JARID2: variants seen among roughly 807,000 people sequenced by gnomAD.
The protein encoded by JARID2 is protein Jumonji.
A neutral mutation model predicts 125.6 loss-of-function variants in JARID2; 21 were observed. The observed-to-expected ratio is 0.17, with a 90% CI of 0.12 to 0.24. The LOEUF (loss-of-function observed/expected upper bound fraction) is 0.24. JARID2 is among the 10% of genes least tolerant of loss of function. The pLI is 1.00. For missense variants in JARID2, 1,303 were observed against 1,639.6 expected, an observed-to-expected ratio of 0.79 and a Z score of 3.55; for synonymous variants, 736 against 661.6, an observed-to-expected ratio of 1.11 and a Z score of -1.73.
At chr6:15,380,477 C>T (rs1764537964) in intron 2 of JARID2, among the ~76,000 whole-genome samples, 1 of 152,166 alleles carries the variant, frequency 6.6e-6, no homozygotes, top group Non-Finnish European at 1.5e-5. Flanking sequence ...TTGGTTTCCT[C>T]CTCTCTTCAG....
intron 3 of JARID2, among the ~76,000 whole-genome samples, chr6:15,428,925 AAC>A (rs948727621): frequency 2.2e-5 from 3 of 137,234 alleles, no homozygotes; most frequent in African/African-American, 8.4e-5. Context: ...ACAAAAAAAA[AAC>A]AAACCCCCCC....
Position 15,272,101 on chromosome 6 carries a change from G to T in JARID2, c.45+25517G>T, listed in dbSNP as rs1226284126. 4.6e-5 allele frequency among the ~76,000 whole-genome samples: 7 copies of T among 152,162 alleles called. No homozygotes were observed. In the East Asian group the frequency reaches 1.3e-3, roughly 29 times the overall value. On this transcript the variant is annotated intron_variant, in intron 1 of 17. Coordinates refer to ENST00000341776, the MANE Select transcript of JARID2 (RefSeq NM_004973.4). ...GATCGTGCCATTGCACTCCAGCCTG[G>T]GCAACAGAGTTAGACTCTGTCTCAA...
chr6:15,345,120 C>G (rs189324759), intron 1 of JARID2, among the ~76,000 whole-genome samples: 168 of 152,178 alleles, frequency 1.1e-3, no homozygotes, highest in African/African-American at 3.9e-3. Flanking sequence ...TTGTTAGAAG[C>G]TTCTAGTATA....
At chr6:15,303,255 G>C (rs1479790207) in intron 1 of JARID2, among the ~76,000 whole-genome samples, 1 of 152,192 alleles carries the variant, frequency 6.6e-6, no homozygotes, top group East Asian at 1.9e-4. Context: ...AGCGCACCTC[G>C]AACTTGAACA....
chr6:15,376,169 A>G (rs1472377536), intron 2 of JARID2, among the ~76,000 whole-genome samples: 1 of 152,170 alleles, frequency 6.6e-6, no homozygotes, highest in Non-Finnish European at 1.5e-5. Flanking sequence ...TACCTTCATA[A>G]GGGAAGGTTA....
rs538080008 is a variant in JARID2, at chr6:15,394,065, A to G, written c.182-16159A>G. On this transcript the variant is annotated intron_variant, in intron 2 of 17. Transcript: ENST00000341776. ...GTCTTCTACTTCCGAGGAATTTCTC[A>G]TTTTAATCAGTGAGTGCTGAGATCT... is the stretch of plus-strand genomic sequence containing the variant. Among the ~76,000 whole-genome samples the G allele has an allele frequency of 2.0e-5, 3 of 152,282 alleles. No homozygotes were observed. The South Asian group carries it at 6.2e-4, about 32-fold the overall frequency.
intron 16 of JARID2, among the ~76,000 whole-genome samples, chr6:15,516,302 T>C (rs1205381325): frequency 6.6e-6 from 1 of 152,186 alleles, no homozygotes; most frequent in Non-Finnish European, 1.5e-5. Flanking sequence ...TAAGACTGAA[T>C]TTTTCCTTAT....
At chr6:15,488,825 C>T (rs1436478552) in intron 6 of JARID2, among the ~76,000 whole-genome samples, 1 of 152,196 alleles carries the variant, frequency 6.6e-6, no homozygotes, top group African/African-American at 2.4e-5. Flanking sequence ...ATATTAAACA[C>T]TGGCCACTGT....
chr6:15,511,003 T>G (rs1209742400), intron 12 of JARID2, among the ~76,000 whole-genome samples: 1 of 152,168 alleles, frequency 6.6e-6, no homozygotes, highest in African/African-American at 2.4e-5. Context: ...CATCTGTTTG[T>G]GGTTTGAAGG....
intron 2 of JARID2, among the ~76,000 whole-genome samples, chr6:15,397,429 G>A (rs146265974): frequency 1.3e-5 from 2 of 152,150 alleles, no homozygotes; most frequent in East Asian, 3.9e-4. Flanking sequence ...CCCCTCCTTT[G>A]CGATTAGTAG....
Position 15,513,053 on chromosome 6 carries a change from A to AC in JARID2, c.3266+13dup, listed in dbSNP as rs769252969. ...CCTCCTGGATGAGCTCAGGTAACAG[A>AC]CCCCCAGAGCCCACGCCAGAGAGCT... On this transcript the variant is annotated intron_variant, in intron 15 of 17. Coordinates refer to ENST00000341776, the MANE Select transcript of JARID2 (RefSeq NM_004973.4). The AC allele has an allele frequency of 6.2e-7, 1 of 1,613,834 alleles. No homozygotes were observed. The highest frequency in any genetic ancestry group is 8.5e-7 in the Non-Finnish European group (1 of 1,179,956).
chr6:15,473,597 G>T (rs1311074536), intron 5 of JARID2, among the ~76,000 whole-genome samples: 1 of 148,066 alleles, frequency 6.8e-6, no homozygotes, highest in Non-Finnish European at 1.5e-5. Context: ...TGGTGTGATC[G>T]TTGGGGCTCC....
At chr6:15,271,459 A>G (rs1318620900) in intron 1 of JARID2, among the ~76,000 whole-genome samples, 1 of 152,186 alleles carries the variant, frequency 6.6e-6, no homozygotes, top group Non-Finnish European at 1.5e-5. Flanking sequence ...CTGAGCATCG[A>G]AGGGTAGGGT....
intron 3 of JARID2, among the ~76,000 whole-genome samples, chr6:15,448,039 G>A (rs542417445): frequency 6.6e-6 from 1 of 152,138 alleles, no homozygotes; most frequent in Non-Finnish European, 1.5e-5. Context: ...TAATCCCCAC[G>A]GGACTCTGCA....
intron 1 of JARID2, among the ~76,000 whole-genome samples, chr6:15,262,616 T>G (rs1322905404): frequency 7.0e-6 from 1 of 142,664 alleles, no homozygotes; most frequent in Admixed American, 7.3e-5. Flanking sequence ...CACTGCAACC[T>G]CCACTTCCGG....
intron 1 of JARID2, among the ~76,000 whole-genome samples, chr6:15,303,527 C>T (rs956056105): frequency 1.3e-5 from 2 of 152,242 alleles, no homozygotes; most frequent in African/African-American, 2.4e-5. Context: ...TCTTTAAAGT[C>T]CAACATTTTT....
chr6:15,290,776 G>A (rs955186645), intron 1 of JARID2, among the ~76,000 whole-genome samples: 1 of 152,042 alleles, frequency 6.6e-6, no homozygotes. Context: ...CCACCGCCAC[G>A]CCCAGTTAAT....
chr6:15,251,198 A>G (rs1206562584), intron 1 of JARID2, among the ~76,000 whole-genome samples: 1 of 152,070 alleles, frequency 6.6e-6, no homozygotes, highest in African/African-American at 2.4e-5. Flanking sequence ...TTTAGTAGAG[A>G]TGGAGTTTCA....
intron 3 of JARID2, among the ~76,000 whole-genome samples, chr6:15,420,916 A>G (rs1406982274): frequency 1.3e-5 from 2 of 152,184 alleles, no homozygotes; most frequent in African/African-American, 4.8e-5. Flanking sequence ...CAATTTGGAT[A>G]CTGTTCCTGC....
Sources: allele counts gnomAD v4.1 joint callset (sites outside exome capture counted in the v4.1 genomes callset), GRCh38; gene constraint gnomAD v4.1.1; transcripts MANE v1.5; gene names NCBI Gene and HGNC (gene_info 2026-07-23, HGNC 2026-07-21).